The following BCAS1 variants were observed in gnomAD, a reference collection of about 807,000 sequenced individuals.
The protein encoded by BCAS1 is breast carcinoma-amplified sequence 1.
In BCAS1, 46 loss-of-function variants were observed where a neutral mutation model predicts 65.4. The ratio of observed to expected loss-of-function variants is 0.70; its 90% CI spans 0.55 to 0.90. BCAS1 has a LOEUF of 0.90. BCAS1 is among the 40% of genes least tolerant of loss of function. The probability of loss-of-function intolerance (pLI) is 0.00; values close to 1 mark genes in which losing one functional copy is unlikely to be tolerated. For synonymous variants in BCAS1, 298 were observed against 293.5 expected (o/e 1.02, Z -0.16); for missense variants, 793 against 771.2 (o/e 1.03, Z -0.33).
chr20:53,975,463 A>G (rs944166092), intron 8 of BCAS1, 33 bp from the exon 9 acceptor site: 1 of 1,601,636 alleles, frequency 6.2e-7, no homozygotes, highest in Non-Finnish European at 8.5e-7. Context: ...GTGAGAGTTA[A>G]AAGGTTACAG....
At chr20:54,008,188 C>A (rs2091243899) in intron 4 of BCAS1, among the ~76,000 whole-genome samples, 1 of 152,246 alleles carries the variant, frequency 6.6e-6, no homozygotes. Context: ...GGAGCCTAGA[C>A]TTCCACTTTC....
intron 10 of BCAS1, among the ~76,000 whole-genome samples, chr20:53,960,496 AGAG>A (rs149670303): frequency 0.014 from 1,008 of 74,654 alleles, 31 homozygotes; most frequent in Middle Eastern, 0.049. Flanking sequence ...AAAAAAAAAA[AGAG>A]AGAGAGAGTA....
chr20:54,050,654 C>A (rs2092195652), intron 3 of BCAS1, among the ~76,000 whole-genome samples: 1 of 152,340 alleles, frequency 6.6e-6, no homozygotes, highest in Admixed American at 6.5e-5. Flanking sequence ...TGGATGTCAC[C>A]TGCGAGGCCA....
chr20:53,952,872 G>A (rs991151191), intron 12 of BCAS1, among the ~76,000 whole-genome samples: 3 of 152,232 alleles, frequency 2.0e-5, no homozygotes, highest in Non-Finnish European at 4.4e-5. Flanking sequence ...GGTTTTGAGT[G>A]CTGCCCAATT....
At chr20:53,965,288 T>G (rs901497207) in intron 10 of BCAS1, among the ~76,000 whole-genome samples, 1 of 152,336 alleles carries the variant, frequency 6.6e-6, no homozygotes. Flanking sequence ...TTTGTTTTGT[T>G]TTGTTTTGTG....
At chr20:54,047,159 C>T (rs2092124363) in intron 3 of BCAS1, among the ~76,000 whole-genome samples, 1 of 152,190 alleles carries the variant, frequency 6.6e-6, no homozygotes, top group Non-Finnish European at 1.5e-5. Flanking sequence ...ATGTGACTAG[C>T]TTGGGCTCTC....
At chr20:54,062,010 T>C (rs986172350) in intron 1 of BCAS1, among the ~76,000 whole-genome samples, 5 of 152,236 alleles carry the variant, frequency 3.3e-5, no homozygotes, top group Non-Finnish European at 7.3e-5. Flanking sequence ...ATGAAAATTA[T>C]ATGAAAGTCA....
chr20:54,058,227 A>C (rs1568930518), intron 2 of BCAS1, 73 bp from the exon 3 acceptor site: 5 of 1,333,610 alleles, frequency 3.7e-6, no homozygotes, highest in Non-Finnish European at 5.4e-6. Context: ...AAGAACCTCT[A>C]AGATACAAGG....
At chr20:54,049,981 T>C (rs1207126734) in intron 3 of BCAS1, among the ~76,000 whole-genome samples, 2 of 152,180 alleles carry the variant, frequency 1.3e-5, no homozygotes, top group Admixed American at 6.5e-5. Context: ...CACAAATATA[T>C]TACAGTTCTG....
intron 10 of BCAS1, among the ~76,000 whole-genome samples, chr20:53,958,835 T>G (rs375835952): frequency 4.6e-5 from 7 of 152,318 alleles, no homozygotes; most frequent in African/African-American, 1.7e-4. Flanking sequence ...ACTAGCAGGT[T>G]TGAGTGCCAG....
intron 8 of BCAS1, among the ~76,000 whole-genome samples, chr20:53,982,005 C>A (rs977276214): frequency 6.6e-6 from 1 of 152,144 alleles, no homozygotes; most frequent in African/African-American, 2.4e-5. Context: ...ATTCACTGAG[C>A]ACATACTATA....
intron 3 of BCAS1, among the ~76,000 whole-genome samples, chr20:54,038,665 A>C (rs2091939299): frequency 6.6e-6 from 1 of 151,448 alleles, no homozygotes; most frequent in Non-Finnish European, 1.5e-5. Context: ...CTTTCAGTTT[A>C]AAGGGGAAAG....
At chr20:54,000,901 C>A (rs1236568207) in intron 4 of BCAS1, among the ~76,000 whole-genome samples, 5 of 152,148 alleles carry the variant, frequency 3.3e-5, no homozygotes, top group Non-Finnish European at 5.9e-5. Flanking sequence ...TTATGCTAAT[C>A]CTTTTTATTT....
At chr20:53,989,804 T>A (rs2090708102) in intron 7 of BCAS1, among the ~76,000 whole-genome samples, 1 of 152,176 alleles carries the variant, frequency 6.6e-6, no homozygotes, top group South Asian at 2.1e-4. Context: ...ATTTAGCACA[T>A]GAGAATAAGA....
intron 10 of BCAS1, among the ~76,000 whole-genome samples, chr20:53,962,849 C>T (rs932830325): frequency 1.1e-4 from 16 of 152,132 alleles, no homozygotes; most frequent in African/African-American, 3.9e-4. Context: ...GATACTTTTC[C>T]TATTTTTATT....
At chr20:53,985,228 A>C in intron 8 of BCAS1, 59 bp downstream of exon 8, 1 of 1,509,952 alleles carries the variant, frequency 6.6e-7, no homozygotes, top group Non-Finnish European at 9.2e-7. Flanking sequence ...CCCAATAGAA[A>C]TAAGTTCTGG....
At position 54,033,606 on chromosome 20, in the gene BCAS1, T is replaced by C. The variant is rs886554711; in HGVS notation, c.143-4634A>G. On this transcript the variant is annotated intron_variant, in intron 3 of 12. Transcript: ENST00000688948. ...CTTCTAAGACTGTACCAGGAAGAAA[T>C]TGAATCCCTGAACAGACCAATAATG... is the stretch of plus-strand genomic sequence containing the variant. Among the ~76,000 whole-genome samples the C allele has an allele frequency of 2.7e-4, 41 of 150,924 alleles. 4 individuals are homozygous for C. Among genetic ancestry groups the C allele is most frequent in the South Asian group, 4.2e-4 (2 of 4,764 alleles).
intron 3 of BCAS1, among the ~76,000 whole-genome samples, chr20:54,039,333 G>T (rs1379292661): frequency 2.0e-5 from 3 of 151,398 alleles, no homozygotes; most frequent in Non-Finnish European, 4.4e-5. Flanking sequence ...ATAAATAAAA[G>T]AAAAGGATGG....
At chr20:54,067,680 C>T (rs917146586) in intron 1 of BCAS1, among the ~76,000 whole-genome samples, 2 of 152,144 alleles carry the variant, frequency 1.3e-5, no homozygotes, top group African/African-American at 2.4e-5. Flanking sequence ...ACAGGCCAAA[C>T]GCCAAACCCC....
Sources: allele counts gnomAD v4.1 joint callset (sites outside exome capture counted in the v4.1 genomes callset), GRCh38; gene constraint gnomAD v4.1.1; transcripts MANE v1.5; gene names NCBI Gene and HGNC (gene_info 2026-07-23, HGNC 2026-07-21).